TOM1L1: variants seen among roughly 807,000 people sequenced by gnomAD.
TOM1L1 encodes target of myb1 like 1 membrane trafficking protein, also known as TOM1-like protein 1.
Under a neutral mutation model 63.4 loss-of-function variants are expected in TOM1L1, and 64 were observed. That is an observed-to-expected ratio of 1.01 (90% CI 0.83 to 1.24). The LOEUF is 1.24. Among genes scored for constraint, TOM1L1 ranks in the 50% most tolerant of loss-of-function variants. The pLI is 0.00. For synonymous variants in TOM1L1, 166 were observed against 194.4 expected (o/e 0.85, Z 1.22); for missense variants, 536 against 567.0 (o/e 0.95, Z 0.55).
At chr17:54,906,030 TGTG>T (rs1382471435) in intron 3 of TOM1L1, among the ~76,000 whole-genome samples, 1 of 151,996 alleles carries the variant, frequency 6.6e-6, no homozygotes, top group Non-Finnish European at 1.5e-5. Context: ...ATTAGCCAGA[TGTG>T]GTGGCCTGCA....
At chr17:54,958,214 A>G (rs1394963309) in intron 14 of TOM1L1, 1 of 152,260 alleles carries the variant, frequency 6.6e-6, no homozygotes, top group Non-Finnish European at 1.5e-5. Flanking sequence ...AGCAAAAAGG[A>G]GCGAGTACAA....
At chr17:54,929,324 T>C (rs1250174564) in intron 7 of TOM1L1, among the ~76,000 whole-genome samples, 1 of 151,740 alleles carries the variant, frequency 6.6e-6, no homozygotes, top group Non-Finnish European at 1.5e-5. Context: ...ACACCCAGCC[T>C]GAAGATTCTG....
At chr17:54,906,513 A>T (rs2048413315) in intron 3 of TOM1L1, among the ~76,000 whole-genome samples, 1 of 151,926 alleles carries the variant, frequency 6.6e-6, no homozygotes, top group Admixed American at 6.6e-5. Context: ...TGTATTAATT[A>T]ACCATAATTT....
chr17:54,903,744 G>A lies in TOM1L1; in HGVS notation c.95G>A (p.Trp32Ter), dbSNP rs745833602. ...ATFAGVQTED[W>*]GQFMHICDII... is the part of the protein sequence containing the mutation. ...TTTGCTGGAGTTCAGACTGAAGATT[G>A]GGGCCAGTTCATGCACATCTGTGAC... Residue 32 changes from tryptophan to a stop codon, truncating the protein, a stop_gained, in exon 2 of 16, where the codon TGG (tryptophan) becomes TAG (stop). Transcript: ENST00000575882. LOFTEE classifies it high-confidence loss of function. The A allele has an allele frequency of 1.9e-6, 3 of 1,614,202 alleles. No homozygotes were observed. In the Admixed American group the frequency reaches 5.0e-5, roughly 27 times the overall value.
chr17:54,959,577 T>C (rs893255599), intron 14 of TOM1L1: 1 of 151,780 alleles, frequency 6.6e-6, no homozygotes, highest in African/African-American at 2.4e-5. Context: ...CTGAGGAGTC[T>C]GGACTGTAAT....
rs1229119981 is a variant in TOM1L1 at position 54,904,822 on chromosome 17, TAAAG to T, written c.144-663_144-660del. ...AGAGATTTAGTCTAGCTTATGTTGA[TAAAG>T]AAAACATCAAACTTAATTATTGATT... On this transcript the variant is annotated intron_variant, in intron 2 of 15. Transcript: ENST00000575882. Among the ~76,000 whole-genome samples, 3 of 152,338 alleles carry T rather than the reference TAAAG, an allele frequency of 2.0e-5. No individual in the cohort carries two copies. The East Asian group carries it at 5.8e-4, about 29-fold the overall frequency.
intron 14 of TOM1L1, chr17:54,957,145 C>T (rs1432112257): frequency 6.6e-6 from 1 of 152,264 alleles, no homozygotes; most frequent in African/African-American, 2.4e-5. Context: ...CCCCTCCTAT[C>T]TGCTTCCAGC....
In TOM1L1 at chr17:54,918,879, A is replaced by G. The variant is rs562320785; in HGVS notation, c.720+3017A>G. ...AAACTTATTTATCCAAAGAATCCCA[A>G]TTTGCCAAATATCTGCTAATATTCT... On this transcript the variant is annotated intron_variant, in intron 7 of 15. Transcript: ENST00000575882. 3.3e-5 allele frequency among the ~76,000 whole-genome samples: 5 copies of G among 152,330 alleles called. No homozygotes were observed. In the East Asian group the frequency reaches 9.6e-4, roughly 29 times the overall value.
chr17:54,910,485 C>T (rs971014943), intron 3 of TOM1L1, among the ~76,000 whole-genome samples: 4 of 152,080 alleles, frequency 2.6e-5, no homozygotes, highest in Non-Finnish European at 4.4e-5. Flanking sequence ...AATTGGTTTG[C>T]GAATTATTTA....
intron 7 of TOM1L1, among the ~76,000 whole-genome samples, chr17:54,922,659 A>G (rs963388129): frequency 6.6e-6 from 1 of 152,182 alleles, no homozygotes; most frequent in East Asian, 1.9e-4. Context: ...TATATTTACT[A>G]TTCATTAAGT....
intron 1 of TOM1L1, among the ~76,000 whole-genome samples, chr17:54,903,418 C>G (rs1164136055): frequency 6.6e-6 from 1 of 152,258 alleles, no homozygotes; most frequent in African/African-American, 2.4e-5. Flanking sequence ...GTTCCCTTCT[C>G]TGAAAGCCAG....
intron 7 of TOM1L1, among the ~76,000 whole-genome samples, chr17:54,918,472 G>A (rs988543456): frequency 3.9e-5 from 6 of 152,118 alleles, no homozygotes; most frequent in Non-Finnish European, 8.8e-5. Flanking sequence ...AAACCACAAC[G>A]TGGGAGTATA....
intron 7 of TOM1L1, among the ~76,000 whole-genome samples, chr17:54,929,745 T>TTTTTG: frequency 6.6e-6 from 1 of 151,872 alleles, no homozygotes; most frequent in East Asian, 1.9e-4. Context: ...ACATGTGTTT[T>TTTTTG]TTTTTTTTTT....
intron 9 of TOM1L1, 29 bp from the exon 10 acceptor site, chr17:54,937,080 A>G: frequency 7.6e-6 from 9 of 1,190,802 alleles, no homozygotes; most frequent in Non-Finnish European, 1.1e-5. Flanking sequence ...ACTACATGAC[A>G]CTTTTTTTTT....
chr17:54,916,444 T>C (rs187164003), intron 7 of TOM1L1: 3 of 152,548 alleles, frequency 2.0e-5, no homozygotes, highest in Admixed American at 2.0e-4. Context: ...CATGAGTAGT[T>C]CTACAGCCCT....
rs1057980 is a variant in TOM1L1, at chr17:54,961,422, G to A, written c.*189G>A. 430,609 of 1,517,418 alleles carry A rather than the reference G, an allele frequency of 0.28. 62,669 individuals carry two copies. Among genetic ancestry groups the A allele is most frequent in the African/African-American group, 0.3 (21,709 of 71,458 alleles). The allele number at this position is 1,517,418 out of a possible 1,614,324, so 94.0% of individuals were successfully genotyped here. On this transcript the variant is annotated 3_prime_UTR_variant, in exon 16 of 16. Coordinates refer to ENST00000575882, the MANE Select transcript of TOM1L1 (RefSeq NM_005486.3). The stretch of plus-strand genomic sequence containing the variant: ...GATAACACTGATTCCTGACAACAGC[G>A]TGAGATTTCAACAGAACTTGTTTGG...
At chr17:54,930,320 C>T in intron 8 of TOM1L1, 114 bp downstream of exon 8, 3 of 1,449,740 alleles carry the variant, frequency 2.1e-6, no homozygotes, top group Non-Finnish European at 2.8e-6. Flanking sequence ...ATTCTCCATT[C>T]TCAATAGGAA....
intron 14 of TOM1L1, chr17:54,952,108 C>G: frequency 6.6e-6 from 1 of 152,144 alleles, no homozygotes; most frequent in East Asian, 1.9e-4. Context: ...TGAAATTTTT[C>G]TAATCTGGAA....
chr17:54,913,000 T>G (rs781603508), intron 4 of TOM1L1, among the ~76,000 whole-genome samples, 185 bp downstream of exon 4: 3 of 152,226 alleles, frequency 2.0e-5, no homozygotes, highest in Non-Finnish European at 4.4e-5. Context: ...TCTGAAGAAT[T>G]TGTAGTCATT....
Sources: allele counts gnomAD v4.1 joint callset (sites outside exome capture counted in the v4.1 genomes callset), GRCh38; gene constraint gnomAD v4.1.1; transcripts MANE v1.5; gene names NCBI Gene and HGNC (gene_info 2026-07-23, HGNC 2026-07-21).